The following IL1RAPL1 variants were observed in gnomAD, a reference collection of about 807,000 sequenced individuals.
The protein encoded by IL1RAPL1 is interleukin 1 receptor accessory protein like 1, also known as interleukin-1 receptor accessory protein-like 1.
IL1RAPL1 carries 3 observed loss-of-function variants against 48.4 expected under a neutral mutation model. The observed-to-expected ratio is 0.06, with a 90% CI of 0.03 to 0.16. The LOEUF is 0.16. Among genes scored for constraint, IL1RAPL1 ranks in the 10% least tolerant of loss-of-function variants. The pLI is 1.00. For missense variants in IL1RAPL1, 349 were observed against 530.6 expected (o/e 0.66, Z 3.36); for synonymous variants, 185 against 187.7 (o/e 0.99, Z 0.12).
At chrX:28,999,977 G>T (rs1290385810) in intron 2 of IL1RAPL1, among the ~76,000 whole-genome samples, 1 of 111,411 alleles carries the variant, frequency 9.0e-6, no homozygotes, top group East Asian at 2.8e-4. Flanking sequence ...CAGAGTACCT[G>T]TGGAAATTAG....
chrX:28,638,881 G>A (rs197006), intron 1 of IL1RAPL1, among the ~76,000 whole-genome samples: 43,751 of 109,681 alleles, frequency 0.4, 6,544 homozygotes, highest in South Asian at 0.55. Flanking sequence ...ATTGTAAGTT[G>A]TGCCGCAATT....
intron 2 of IL1RAPL1, among the ~76,000 whole-genome samples, chrX:28,977,849 C>G (rs968732436): frequency 5.4e-5 from 6 of 111,701 alleles, no homozygotes; most frequent in Non-Finnish European, 1.1e-4. Context: ...CCCAGCTACT[C>G]TGGAGGCTGA....
At chrX:29,568,458 A>G (rs928166317) in intron 5 of IL1RAPL1, among the ~76,000 whole-genome samples, 3 of 110,567 alleles carry the variant, frequency 2.7e-5, no homozygotes, top group Non-Finnish European at 5.7e-5. Flanking sequence ...AATTATACCA[A>G]TTGTGTACAC....
chrX:28,814,341 T>TTTTGTGTGTGTG (rs1555926315), intron 2 of IL1RAPL1, among the ~76,000 whole-genome samples: 2 of 89,749 alleles, frequency 2.2e-5, no homozygotes, highest in Admixed American at 1.3e-4. Context: ...ATTTTCAGGT[T>TTTTGTGTGTGTG]TGTGTGTGTG....
rs1189226017 is a variant in IL1RAPL1, at chrX:29,228,356, TGTGTGTGTGTGTGTGTGA to T, written c.83-54580_83-54563del. The stretch of plus-strand genomic sequence containing the variant: ...TAGTGTGTGTGTGTGTGTGTGTGTG[TGTGTGTGTGTGTGTGTGA>T]GACAGAGTCTCACCCTGTTACCCAG... On this transcript the variant is annotated intron_variant, in intron 2 of 10. Transcript: ENST00000378993. Among the ~76,000 whole-genome samples the T allele has an allele frequency of 3.8e-4, 39 of 103,105 alleles. 1 individual carries two copies. Among genetic ancestry groups the T allele is most frequent in the African/African-American group, 1.3e-3 (37 of 28,032 alleles). 89.5% of individuals were successfully genotyped at this position (103,105 alleles called of 115,157 possible).
chrX:28,855,732 T>C (rs1191286344), intron 2 of IL1RAPL1, among the ~76,000 whole-genome samples: 1 of 111,619 alleles, frequency 9.0e-6, no homozygotes, highest in East Asian at 2.8e-4. Context: ...TTTTCTAGTT[T>C]AGAGCCTTAA....
chrX:28,751,840 G>T (rs903567690), intron 1 of IL1RAPL1, among the ~76,000 whole-genome samples: 1 of 110,562 alleles, frequency 9.0e-6, no homozygotes, highest in Non-Finnish European at 1.9e-5. Flanking sequence ...TGTACAAGTG[G>T]TTTTTTTTTG....
intron 2 of IL1RAPL1, among the ~76,000 whole-genome samples, chrX:29,252,150 G>T (rs1243401479): frequency 2.7e-5 from 3 of 112,721 alleles, no homozygotes; most frequent in Admixed American, 9.2e-5. Flanking sequence ...AGCTTTAGGA[G>T]ATATACCTAA....
At position 29,256,138 on chromosome X, in the gene IL1RAPL1, A is replaced by G. The variant is rs1312073308; in HGVS notation, c.83-26800A>G. 6.3e-5 allele frequency among the ~76,000 whole-genome samples: 7 copies of G among 111,383 alleles called. No homozygotes were observed. The East Asian group carries it at 2.0e-3, about 31-fold the overall frequency. On this transcript the variant is annotated intron_variant, in intron 2 of 10. Coordinates refer to ENST00000378993, the MANE Select transcript of IL1RAPL1 (RefSeq NM_014271.4). ...ACATTTGTTATTTTTTGACTTTTTA[A>G]TAATAGACATTCTGACTGGTGTGAG...
intron 5 of IL1RAPL1, among the ~76,000 whole-genome samples, chrX:29,517,314 A>G (rs897257343): frequency 7.3e-5 from 8 of 110,075 alleles, no homozygotes; most frequent in African/African-American, 2.6e-4. Flanking sequence ...TATCCTTATG[A>G]TTTTTATATA....
intron 5 of IL1RAPL1, among the ~76,000 whole-genome samples, chrX:29,576,899 C>CA (rs35355239): frequency 0.44 from 45,936 of 105,419 alleles, 7,481 homozygotes; most frequent in South Asian, 0.58. Context: ...TTGTTGGTTA[C>CA]AAAAAAAAAA....
intron 6 of IL1RAPL1, among the ~76,000 whole-genome samples, chrX:29,886,270 C>A (rs985301558): frequency 8.9e-6 from 1 of 112,492 alleles, no homozygotes; most frequent in African/African-American, 3.2e-5. Context: ...GTTATTTCTT[C>A]TTTAAGCACC....
chrX:28,971,273 A>G (rs1222565591), intron 2 of IL1RAPL1, among the ~76,000 whole-genome samples: 1 of 112,145 alleles, frequency 8.9e-6, no homozygotes. Context: ...TACCTATAAA[A>G]TTGTCATAAT....
intron 2 of IL1RAPL1, among the ~76,000 whole-genome samples, chrX:29,064,439 T>C (rs1927407053): frequency 9.0e-6 from 1 of 111,504 alleles, no homozygotes; most frequent in Non-Finnish European, 1.9e-5. Context: ...GATGCTCTAT[T>C]ATAAAGAACA....
intron 6 of IL1RAPL1, among the ~76,000 whole-genome samples, chrX:29,908,563 C>A (rs1276145789): frequency 9.1e-6 from 1 of 110,440 alleles, no homozygotes; most frequent in Non-Finnish European, 1.9e-5. Context: ...TTGAGAATTA[C>A]CACATAGACT....
chrX:29,102,144 TA>T (rs1007918658), intron 2 of IL1RAPL1, among the ~76,000 whole-genome samples: 3 of 109,397 alleles, frequency 2.7e-5, no homozygotes, highest in Admixed American at 9.7e-5. Flanking sequence ...AAAACACCCT[TA>T]AAAAAAACTG....
At chrX:28,605,424 C>A (rs1213359815) in intron 1 of IL1RAPL1, among the ~76,000 whole-genome samples, 2 of 111,625 alleles carry the variant, frequency 1.8e-5, no homozygotes, top group African/African-American at 6.5e-5. Context: ...ATTTCTCTCC[C>A]TCTCTCACAA....
chrX:29,220,212 G>T (rs1930948597), intron 2 of IL1RAPL1, among the ~76,000 whole-genome samples: 1 of 111,981 alleles, frequency 8.9e-6, no homozygotes, highest in African/African-American at 3.2e-5. Context: ...GAATCTTAAA[G>T]ACAGGTATTT....
chrX:29,704,397 G>A (rs184517324), intron 6 of IL1RAPL1, among the ~76,000 whole-genome samples: 1,774 of 111,709 alleles, frequency 0.016, 34 homozygotes, highest in African/African-American at 0.055. Context: ...GGCAGGGTGC[G>A]GTGGCTCACG....
Sources: gnomAD v4.1 joint callset for allele counts (sites outside exome capture counted in the v4.1 genomes callset) on GRCh38, gnomAD v4.1.1 for gene constraint, MANE v1.5 for transcripts, NCBI Gene and HGNC (gene_info 2026-07-23, HGNC 2026-07-21) for gene names.